PRKAR1A: variants seen among roughly 807,000 people sequenced by gnomAD.
PRKAR1A encodes protein kinase cAMP-dependent type I regulatory subunit alpha.
A neutral mutation model predicts 52.0 loss-of-function variants in PRKAR1A; 3 were observed. The observed-to-expected ratio is 0.06, with a 90% confidence interval of 0.03 to 0.15. PRKAR1A has a LOEUF of 0.15. Ranked by LOEUF, PRKAR1A falls within the 10% of genes least tolerant of loss-of-function variation. The pLI, the probability that PRKAR1A is intolerant of heterozygous loss-of-function variation, is 1.00. For missense variants in PRKAR1A, 240 were observed against 477.4 expected, an observed-to-expected ratio of 0.50 and a Z score of 4.63; for synonymous variants, 188 against 168.4, an observed-to-expected ratio of 1.12 and a Z score of -0.90.
chr17:68,519,377 G>C (rs188836070), intron 2 of PRKAR1A, among the ~76,000 whole-genome samples: 3 of 152,140 alleles, frequency 2.0e-5, no homozygotes, highest in Non-Finnish European at 2.9e-5. Context: ...TTCTTCACAT[G>C]GCAGCAGCAA....
intron 2 of PRKAR1A, among the ~76,000 whole-genome samples, chr17:68,516,660 C>T (rs866199029): frequency 6.6e-6 from 1 of 151,656 alleles, no homozygotes; most frequent in Non-Finnish European, 1.5e-5. Context: ...GCTCATTGAT[C>T]AGGTATTTTC....
At chr17:68,420,725 A>G in the PRKAR1A span, 3 of 489,282 alleles carry the variant, frequency 6.1e-6, no homozygotes, top group East Asian at 3.4e-5. Context: ...TGCCAGCTCC[A>G]GCTTTTGAAC....
chr17:68,448,459 G>A, the PRKAR1A span: 1 of 152,156 alleles, frequency 6.6e-6, no homozygotes, highest in South Asian at 2.1e-4. Context: ...ATGAATTGCT[G>A]ACAGTTCCTG....
the PRKAR1A span, among the ~76,000 whole-genome samples, chr17:68,506,422 C>A: frequency 6.6e-6 from 1 of 151,858 alleles, no homozygotes; most frequent in Non-Finnish European, 1.5e-5. Flanking sequence ...ATCCCACCCC[C>A]ATAATTTGGC....
At chr17:68,483,861 CAAA>C in the PRKAR1A span, among the ~76,000 whole-genome samples, 1 of 95,230 alleles carries the variant, frequency 1.1e-5, no homozygotes. Context: ...AACTCCGTCT[CAAA>C]AAAAAAAAAA....
At chr17:68,495,973 TCTCTC>T in the PRKAR1A span, among the ~76,000 whole-genome samples, 1 of 19,368 alleles carries the variant, frequency 5.2e-5, no homozygotes, top group Non-Finnish European at 8.2e-5. Flanking sequence ...TCTCCTCTCC[TCTCTC>T]CTCTCCTCTC....
the PRKAR1A span, among the ~76,000 whole-genome samples, chr17:68,492,814 A>G: frequency 6.6e-6 from 1 of 152,200 alleles, no homozygotes; most frequent in Non-Finnish European, 1.5e-5. Context: ...TTTAGACTCC[A>G]TCCAGGTCCC....
At chr17:68,453,085 G>A in the PRKAR1A span, 1 of 988,968 alleles carries the variant, frequency 1.0e-6, no homozygotes, top group Non-Finnish European at 1.6e-6. Flanking sequence ...TAGCCTCAGG[G>A]GTACAGTAAA....
In PRKAR1A at chr17:68,533,074, C is replaced by T; in HGVS notation, c.*2625C>T. Reference sequence around the variant, plus strand: ...TTGGTTCTGTGGCCTTGGAACTTTCCCAGACTTAATGGGGAAACATCATTT... The same window carrying T: ...TTGGTTCTGTGGCCTTGGAACTTTCTCAGACTTAATGGGGAAACATCATTT... On this transcript the variant is annotated 3_prime_UTR_variant, in exon 11 of 11. Coordinates refer to ENST00000589228, the MANE Select transcript of PRKAR1A (RefSeq NM_002734.5). The T allele has an allele frequency of 9.4e-7, 1 of 1,065,500 alleles. No homozygotes were observed. The highest frequency in any genetic ancestry group is 1.1e-6 in the Non-Finnish European group (1 of 879,488). The allele number at this position is 1,065,500 out of a possible 1,614,324, so 66.0% of individuals were successfully genotyped here.
At chr17:68,438,308 C>T in the PRKAR1A span, among the ~76,000 whole-genome samples, 3 of 152,222 alleles carry the variant, frequency 2.0e-5, no homozygotes, top group Non-Finnish European at 4.4e-5. Context: ...AGAGGCCACT[C>T]GTCCATTTCC....
In PRKAR1A at chr17:68,531,238, C is replaced by T. The variant is rs563186393; in HGVS notation, c.*789C>T. The T allele has an allele frequency of 4.3e-5, 46 of 1,066,354 alleles. No individual in the cohort carries two copies. The African/African-American group carries it at 7.2e-4, about 17-fold the overall frequency. 66.1% of individuals were successfully genotyped at this position (1,066,354 alleles called of 1,614,324 possible). On this transcript the variant is annotated 3_prime_UTR_variant, in exon 11 of 11. Coordinates refer to ENST00000589228, the MANE Select transcript of PRKAR1A (RefSeq NM_002734.5). ...CACAAATTCCGATTAGACCTTTATC[C>T]AGCTAGTGCCAAATAATTGATCAGA... is the stretch of plus-strand genomic sequence containing the variant.
At chr17:68,447,181 G>A in the PRKAR1A span, among the ~76,000 whole-genome samples, 2 of 152,128 alleles carry the variant, frequency 1.3e-5, no homozygotes, top group Admixed American at 1.3e-4. Flanking sequence ...CAGAGGCTTC[G>A]AGCCAATCAG....
At chr17:68,425,472 C>T in the PRKAR1A span, among the ~76,000 whole-genome samples, 18 of 151,380 alleles carry the variant, frequency 1.2e-4, no homozygotes, top group Admixed American at 1.1e-3. Flanking sequence ...CCTCCAGCCT[C>T]GGCCTCCCAA....
chr17:68,467,303 G>A, the PRKAR1A span, among the ~76,000 whole-genome samples: 4 of 152,130 alleles, frequency 2.6e-5, no homozygotes, highest in African/African-American at 9.7e-5. Context: ...GGGTCACCTG[G>A]TAATTCTATG....
the PRKAR1A span, among the ~76,000 whole-genome samples, chr17:68,486,515 T>TCCC: frequency 0.021 from 1,257 of 58,654 alleles, 14 homozygotes; most frequent in Middle Eastern, 0.035. Flanking sequence ...CCTTCTTTCT[T>TCCC]TCTTTCTTTC....
At chr17:68,429,782 T>A in the PRKAR1A span, among the ~76,000 whole-genome samples, 1 of 152,094 alleles carries the variant, frequency 6.6e-6, no homozygotes, top group Non-Finnish European at 1.5e-5. Flanking sequence ...AGAGACGGGA[T>A]TTCACCACGT....
At chr17:68,537,416 G>T, downstream of PRKAR1A, 1 of 1,604,656 alleles carries the variant, frequency 6.2e-7, no homozygotes. This position sits in a 1 kb window ranked among gnomAD's most constrained non-coding sequence, Gnocchi z 4.2. Flanking sequence ...ACGCAGGGTC[G>T]GCACTCGAGT....
At chr17:68,498,262 C>T in the PRKAR1A span, among the ~76,000 whole-genome samples, 13 of 152,310 alleles carry the variant, frequency 8.5e-5, no homozygotes, top group African/African-American at 3.1e-4. Context: ...TTGAGCTTAA[C>T]TTGAGCAAGA....
chr17:68,464,043 G>A, the PRKAR1A span, among the ~76,000 whole-genome samples: 83 of 152,324 alleles, frequency 5.4e-4, no homozygotes, highest in African/African-American at 1.9e-3. Context: ...GGGAACCTGA[G>A]AAAATGGAAA....
Sources: allele counts gnomAD v4.1 joint callset (sites outside exome capture counted in the v4.1 genomes callset), GRCh38; gene constraint gnomAD v4.1.1; non-coding constraint Gnocchi (gnomAD v3.1); transcripts MANE v1.5; gene names NCBI Gene and HGNC (gene_info 2026-07-23, HGNC 2026-07-21).